The following SCN2A variants were observed in gnomAD, a reference collection of about 807,000 sequenced individuals.
SCN2A encodes sodium voltage-gated channel alpha subunit 2, also known as sodium channel protein type 2 subunit alpha.
In SCN2A, 20 loss-of-function variants were observed where a neutral mutation model predicts 188.7. The ratio of observed to expected loss-of-function variants is 0.11; its 90% CI spans 0.07 to 0.15. The LOEUF (loss-of-function observed/expected upper bound fraction) is 0.15. SCN2A is among the 10% of genes least tolerant of loss of function. The pLI, the probability that SCN2A is intolerant of heterozygous loss-of-function variation, is 1.00. For missense variants in SCN2A, 1,278 were observed against 2,445.0 expected (o/e 0.52, Z 10.07); for synonymous variants, 804 against 833.1 (o/e 0.97, Z 0.60).
chr2:165,289,575 T>A lies in SCN2A; in HGVS notation c.-51-6198T>A, dbSNP rs994855171. Among the ~76,000 whole-genome samples the A allele has an allele frequency of 3.3e-5, 5 of 152,172 alleles. No homozygotes were observed. The East Asian group carries it at 7.7e-4, about 23-fold the overall frequency. ...ATTTAAAACCTTCACGTAATATATG[T>A]CATATAGAACTCTCATAAAATATCA... is the stretch of plus-strand genomic sequence containing the variant. On this transcript the variant is annotated intron_variant, in intron 1 of 26. Coordinates refer to ENST00000375437, the MANE Select transcript of SCN2A (RefSeq NM_001040142.2).
intron 1 of SCN2A, among the ~76,000 whole-genome samples, chr2:165,279,869 G>A (rs1219012506): frequency 4.6e-5 from 7 of 152,174 alleles, no homozygotes; most frequent in African/African-American, 1.7e-4. Flanking sequence ...AATCATGTGG[G>A]CAGGTGTCTC....
Position 165,296,751 on chromosome 2 carries a change from T to C in SCN2A, c.268-266T>C, listed in dbSNP as rs12468669. Reference sequence around the variant, plus strand: ...ATTATAAATGCGGTTTTAAAATACTTACATTAAAACTTGATAAAGTTGCTA... The same window carrying C: ...ATTATAAATGCGGTTTTAAAATACTCACATTAAAACTTGATAAAGTTGCTA... On this transcript the variant is annotated intron_variant, in intron 2 of 26. Coordinates refer to ENST00000375437, the MANE Select transcript of SCN2A (RefSeq NM_001040142.2). 0.22 allele frequency: 53,357 copies of C among 241,692 alleles called. 6,777 individuals carry two copies. Among genetic ancestry groups the C allele is most frequent in the East Asian group, 0.32 (3,884 of 11,996 alleles). The allele number at this position is 241,692 out of a possible 1,614,324, so 15.0% of individuals were successfully genotyped here.
chr2:165,260,909 G>T (rs1344072153), intron 1 of SCN2A, among the ~76,000 whole-genome samples: 3 of 148,208 alleles, frequency 2.0e-5, no homozygotes, highest in African/African-American at 5.0e-5. Context: ...GGTGGAGGTT[G>T]CAGTGAGCTG....
At chr2:165,271,606 G>T (rs973644562) in intron 1 of SCN2A, 1 of 152,084 alleles carries the variant, frequency 6.6e-6, no homozygotes, top group Non-Finnish European at 1.5e-5. Flanking sequence ...ATAAAATACA[G>T]ATATTTTTAA....
rs145226312 is a variant in SCN2A, at chr2:165,313,671, T to C, written c.1086T>C (p.Tyr362=). The C allele has an allele frequency of 1.2e-6, 2 of 1,613,532 alleles. No individual in the cohort carries two copies. Among genetic ancestry groups the C allele is most frequent in the Non-Finnish European group, 1.7e-6 (2 of 1,179,614 alleles). Reference sequence around the variant, plus strand: ...TGAAGGCTGGTAGAAACCCCAACTATGGCTACACGAGCTTTGACACCTTTA... The same window carrying C: ...TGAAGGCTGGTAGAAACCCCAACTACGGCTACACGAGCTTTGACACCTTTA... ...ICVKAGRNPN[Y]GYTSFDTFSW... Residue 362 remains tyrosine, a synonymous_variant, in exon 9 of 27, where the codon TAT becomes TAC. Transcript: ENST00000375437.
At chr2:165,341,084 A>G (rs892828687) in intron 14 of SCN2A, among the ~76,000 whole-genome samples, 2 of 151,436 alleles carry the variant, frequency 1.3e-5, no homozygotes, top group African/African-American at 2.4e-5. Flanking sequence ...GGTGATATAT[A>G]TATTTTTTGT....
intron 1 of SCN2A, chr2:165,240,050 G>C (rs928663725): frequency 3.3e-5 from 5 of 152,184 alleles, no homozygotes; most frequent in African/African-American, 9.7e-5. Context: ...TGCAGCCTCA[G>C]AGGCAAGCCA....
intron 1 of SCN2A, among the ~76,000 whole-genome samples, chr2:165,253,652 A>G (rs1429822131): frequency 6.6e-6 from 1 of 152,034 alleles, no homozygotes; most frequent in African/African-American, 2.4e-5. Context: ...TATTTACTAA[A>G]TCATCCCTTG....
chr2:165,296,799 C>A, intron 2 of SCN2A: 1 of 344,656 alleles, frequency 2.9e-6, no homozygotes. Flanking sequence ...GCATTGATCA[C>A]AAATTTTCTT....
chr2:165,331,289 G>A (rs1698659581), intron 13 of SCN2A, 41 bp from the exon 14 acceptor site: 1 of 1,398,728 alleles, frequency 7.1e-7, no homozygotes, highest in Admixed American at 1.7e-5. Context: ...TTAATAGAAA[G>A]TAAGCAGTTT....
Position 165,337,413 on chromosome 2 carries a change from A to G in SCN2A, c.2389-4883A>G, listed in dbSNP as rs147200698. On this transcript the variant is annotated intron_variant, in intron 14 of 26. Transcript: ENST00000375437. ...AACAGAGCAAATATTTGAAGAAACAATGGCCAAAAATTTCCCAAAGTTGGT... is the reference window on the plus strand; with the variant it reads ...AACAGAGCAAATATTTGAAGAAACAGTGGCCAAAAATTTCCCAAAGTTGGT... 1.2e-4 allele frequency among the ~76,000 whole-genome samples: 18 copies of G among 152,226 alleles called. No individual in the cohort carries two copies. The East Asian group carries it at 3.3e-3, about 28-fold the overall frequency.
intron 1 of SCN2A, chr2:165,272,924 G>A (rs1421773212): frequency 2.0e-5 from 3 of 151,832 alleles, no homozygotes; most frequent in African/African-American, 4.8e-5. Context: ...AATCAAATTA[G>A]CATTTAATTA....
intron 16 of SCN2A, among the ~76,000 whole-genome samples, chr2:165,350,449 T>C (rs1699822595): frequency 6.8e-6 from 1 of 147,466 alleles, no homozygotes; most frequent in Non-Finnish European, 1.5e-5. Flanking sequence ...GTGAGCTTGC[T>C]GAACTGTTTT....
intron 7 of SCN2A, 150 bp from the exon 8 acceptor site, chr2:165,311,875 A>G: frequency 1.6e-6 from 1 of 642,926 alleles, no homozygotes; most frequent in Non-Finnish European, 2.8e-6. Flanking sequence ...TTTGTTCAAT[A>G]TTGTGAAAAA....
At chr2:165,278,407 C>T (rs557048472) in intron 1 of SCN2A, among the ~76,000 whole-genome samples, 10 of 152,198 alleles carry the variant, frequency 6.6e-5, no homozygotes, top group East Asian at 1.9e-4. Context: ...TTTCTCCAGG[C>T]GGCAGGAAGA....
intron 11 of SCN2A, among the ~76,000 whole-genome samples, chr2:165,316,052 T>A (rs1347481492): frequency 6.6e-6 from 1 of 152,192 alleles, no homozygotes; most frequent in Non-Finnish European, 1.5e-5. Context: ...TATCAGCAGA[T>A]GGTTCCCATC....
chr2:165,332,627 T>C (rs1698754683), intron 14 of SCN2A, among the ~76,000 whole-genome samples: 1 of 151,664 alleles, frequency 6.6e-6, no homozygotes. Flanking sequence ...ACGCTTAGAG[T>C]AGGAAAGGAT....
At chr2:165,333,755 T>C (rs566572272) in intron 14 of SCN2A, among the ~76,000 whole-genome samples, 2 of 151,284 alleles carry the variant, frequency 1.3e-5, no homozygotes, top group Admixed American at 6.6e-5. Flanking sequence ...GAATAGCAAA[T>C]TAAACCTGAA....
At chr2:165,247,846 G>T (rs775496841) in intron 1 of SCN2A, among the ~76,000 whole-genome samples, 2 of 152,134 alleles carry the variant, frequency 1.3e-5, no homozygotes, top group African/African-American at 2.4e-5. Context: ...ACACTGAAAA[G>T]TTAACATCCC....
Sources: allele counts gnomAD v4.1 joint callset (sites outside exome capture counted in the v4.1 genomes callset), GRCh38; gene constraint gnomAD v4.1.1; transcripts MANE v1.5; gene names NCBI Gene and HGNC (gene_info 2026-07-23, HGNC 2026-07-21).